WDPCP: variants seen among roughly 807,000 people sequenced by gnomAD.
WDPCP encodes WD repeat-containing and planar cell polarity effector protein fritz homolog.
A neutral mutation model predicts 93.1 loss-of-function variants in WDPCP; 71 were observed. The observed-to-expected ratio is 0.76, with a 90% CI of 0.63 to 0.93. WDPCP has a LOEUF of 0.93. Ranked by LOEUF, WDPCP falls within the 40% of genes least tolerant of loss-of-function variation. The pLI is 0.00. For missense variants in WDPCP, 844 were observed against 887.4 expected, an observed-to-expected ratio of 0.95 and a Z score of 0.62; for synonymous variants, 315 against 315.0, an observed-to-expected ratio of 1.00 and a Z score of 0.00.
intron 14 of WDPCP, among the ~76,000 whole-genome samples, chr2:63,211,360 G>A (rs1216302990): frequency 2.0e-5 from 3 of 152,182 alleles, no homozygotes. Flanking sequence ...GGTCTGGAGT[G>A]GACCTCCAGC....
chr2:63,486,728 G>A (rs1473404616), intron 3 of WDPCP, 142 bp from the exon 4 acceptor site: 10 of 715,644 alleles, frequency 1.4e-5, no homozygotes, highest in Non-Finnish European at 2.2e-5. Context: ...TTATGCTTAG[G>A]TTCTAAAAGG....
At chr2:63,423,012 G>A (rs1184601061) in intron 9 of WDPCP, among the ~76,000 whole-genome samples, 1 of 152,202 alleles carries the variant, frequency 6.6e-6, no homozygotes, top group Admixed American at 6.5e-5. Context: ...GGGTATACAA[G>A]AAAGTGATAA....
intron 14 of WDPCP, among the ~76,000 whole-genome samples, chr2:63,227,840 T>A (rs1678426353): frequency 1.3e-5 from 2 of 152,134 alleles, no homozygotes; most frequent in Non-Finnish European, 2.9e-5. Context: ...TATTCCATTT[T>A]TATTTATTTC....
At chr2:63,764,957 T>A (rs1670115849) in intron 2 of WDPCP, among the ~76,000 whole-genome samples, 1 of 152,196 alleles carries the variant, frequency 6.6e-6, no homozygotes, top group Non-Finnish European at 1.5e-5. Flanking sequence ...GCTGCTTATC[T>A]AAGAGGGAGT....
intron 1 of WDPCP, among the ~76,000 whole-genome samples, chr2:63,537,677 G>A (rs988448281): frequency 2.0e-5 from 3 of 151,988 alleles, no homozygotes. Flanking sequence ...GCTTACACAC[G>A]CTAGGCCTCA....
At chr2:63,161,842 C>T (rs1672669889) in intron 15 of WDPCP, among the ~76,000 whole-genome samples, 1 of 151,650 alleles carries the variant, frequency 6.6e-6, no homozygotes. Context: ...CAATTCACTG[C>T]AACCTCCTCC....
At chr2:63,692,276 A>G (rs138521248) in intron 2 of WDPCP, among the ~76,000 whole-genome samples, 63 of 152,250 alleles carry the variant, frequency 4.1e-4, no homozygotes, top group African/African-American at 1.4e-3. Flanking sequence ...TCATTACTAC[A>G]GGAAATCTTT....
intron 14 of WDPCP, among the ~76,000 whole-genome samples, chr2:63,189,671 C>T (rs111394113): frequency 2.6e-5 from 4 of 152,226 alleles, no homozygotes; most frequent in African/African-American, 9.6e-5. Flanking sequence ...AGTCCTTTTC[C>T]CAATCCTTAC....
chr2:63,423,188 G>A (rs1696003133), intron 9 of WDPCP, among the ~76,000 whole-genome samples: 1 of 152,110 alleles, frequency 6.6e-6, no homozygotes, highest in Non-Finnish European at 1.5e-5. Context: ...TTTATTTTGT[G>A]TGGTTTTATG....
intron 1 of WDPCP, among the ~76,000 whole-genome samples, chr2:63,554,125 C>T (rs926253676): frequency 1.1e-4 from 17 of 152,224 alleles, no homozygotes; most frequent in African/African-American, 4.1e-4. Flanking sequence ...TGTTATGTCT[C>T]TTTGGTCCAC....
At chr2:63,621,725 A>G (rs923143302) in intron 3 of WDPCP, among the ~76,000 whole-genome samples, 13 of 152,296 alleles carry the variant, frequency 8.5e-5, no homozygotes, top group Middle Eastern at 6.8e-3. Context: ...CATAATCATC[A>G]GATTCACCAA....
At chr2:63,776,838 A>G (rs959848741) in intron 2 of WDPCP, among the ~76,000 whole-genome samples, 2 of 152,148 alleles carry the variant, frequency 1.3e-5, no homozygotes, top group Non-Finnish European at 2.9e-5. Context: ...CATTATGTTA[A>G]GTGAAATAAG....
intron 15 of WDPCP, among the ~76,000 whole-genome samples, chr2:63,155,108 A>G (rs747319883): frequency 1.2e-4 from 18 of 152,168 alleles, no homozygotes; most frequent in African/African-American, 3.6e-4. Context: ...TCAGGCTCCT[A>G]ATAGTGCCTT....
chr2:63,840,446 ATGGGGATGG>A, the WDPCP span, among the ~76,000 whole-genome samples: 1 of 152,220 alleles, frequency 6.6e-6, no homozygotes, highest in South Asian at 2.1e-4. Flanking sequence ...AACCGGGGCA[ATGGGGATGG>A]TGGTGGTTCC....
At chr2:63,743,908 A>T (rs1387003684) in intron 2 of WDPCP, among the ~76,000 whole-genome samples, 2 of 152,192 alleles carry the variant, frequency 1.3e-5, no homozygotes, top group East Asian at 3.8e-4. Context: ...CACATAACTT[A>T]ATGTACAAAA....
rs768036084 is a variant in WDPCP at position 63,382,083 on chromosome 2, G to A, written c.1447C>T (p.Arg483Ter). ...ATGTCTATCAGGCCCAGCTGTCCTCGAGTGAAGACGCCTATCACAAAACAT... is the reference window on the plus strand; with the variant it reads ...ATGTCTATCAGGCCCAGCTGTCCTCAAGTGAAGACGCCTATCACAAAACAT... ...VLLFKLGVFT[R>*]GQLGLIDIIF... Residue 483 changes from arginine (R) to a stop codon, truncating the protein, a stop_gained, in exon 11 of 18, where the codon CGA becomes TGA. Coordinates refer to ENST00000272321, the MANE Select transcript of WDPCP (RefSeq NM_015910.7). LOFTEE classifies it high-confidence loss of function. 11 of 1,612,678 alleles carry A rather than the reference G, an allele frequency of 6.8e-6. No individual in the cohort carries two copies. Among genetic ancestry groups the A allele is most frequent in the Admixed American group, 6.7e-5 (4 of 59,822 alleles).
chr2:63,582,691 T>G (rs1020336520), intron 1 of WDPCP, among the ~76,000 whole-genome samples: 23 of 151,806 alleles, frequency 1.5e-4, no homozygotes, highest in African/African-American at 5.6e-4. Context: ...AACAGACACT[T>G]AAGTACAAAT....
chr2:63,485,440 CTG>C (rs1700517487), intron 4 of WDPCP, among the ~76,000 whole-genome samples: 1 of 149,474 alleles, frequency 6.7e-6, no homozygotes. Context: ...AAAAATAAAA[CTG>C]TATGTAAAAA....
chr2:63,591,957 A>T (rs1709208680), upstream of WDPCP, among the ~76,000 whole-genome samples: 1 of 152,222 alleles, frequency 6.6e-6, no homozygotes, highest in East Asian at 1.9e-4. Flanking sequence ...AGGTTAAGTA[A>T]CTTGTCCTAG....
Sources: gnomAD v4.1 joint callset for allele counts (sites outside exome capture counted in the v4.1 genomes callset) on GRCh38, gnomAD v4.1.1 for gene constraint, MANE v1.5 for transcripts, NCBI Gene and HGNC (gene_info 2026-07-23, HGNC 2026-07-21) for gene names.